The following COP1 variants were observed in gnomAD, a reference collection of about 807,000 sequenced individuals.
COP1 encodes E3 ubiquitin-protein ligase COP1.
COP1 carries 24 observed loss-of-function variants against 101.3 expected under a neutral mutation model. That is an observed-to-expected ratio of 0.24 (90% confidence interval 0.17 to 0.33). COP1 has a LOEUF of 0.33. Among genes scored for constraint, COP1 ranks in the 10% least tolerant of loss-of-function variants. The pLI is 1.00. For synonymous variants in COP1, 347 were observed against 341.9 expected, an observed-to-expected ratio of 1.01 and a Z score of -0.17; for missense variants, 663 against 906.2, an observed-to-expected ratio of 0.73 and a Z score of 3.45.
chr1:176,133,880 A>G (rs1160806018), intron 8 of COP1: 1 of 454,868 alleles, frequency 2.2e-6, no homozygotes, highest in African/African-American at 2.0e-5. Context: ...GATCCTGTGC[A>G]TATCAGAACT....
chr1:176,129,422 G>A (rs1455568450), intron 8 of COP1, among the ~76,000 whole-genome samples: 2 of 151,772 alleles, frequency 1.3e-5, no homozygotes, highest in South Asian at 2.1e-4. Context: ...TCAAACTAAT[G>A]CATGTCTGCA....
intron 11 of COP1, among the ~76,000 whole-genome samples, chr1:176,063,047 GTTTTTTTTTTT>G (rs34464104): frequency 3.3e-5 from 3 of 90,590 alleles, no homozygotes; most frequent in Admixed American, 1.6e-4. Flanking sequence ...TTTTGAAAAT[GTTTTTTTTTTT>G]TTTTTTTTTT....
intron 8 of COP1, 45 bp downstream of exon 8, chr1:176,134,965 C>G (rs1157174833): frequency 1.4e-6 from 2 of 1,426,204 alleles, no homozygotes; most frequent in African/African-American, 2.8e-5. Flanking sequence ...CATATGCATA[C>G]TTTGTAATAT....
chr1:176,155,722 T>A (rs888381775), intron 5 of COP1, among the ~76,000 whole-genome samples: 2 of 152,066 alleles, frequency 1.3e-5, no homozygotes, highest in Admixed American at 1.3e-4. Context: ...CATAGTCAAA[T>A]TGCTGAAAAC....
chr1:176,084,950 A>G (rs939025525), intron 10 of COP1, among the ~76,000 whole-genome samples: 2 of 152,088 alleles, frequency 1.3e-5, no homozygotes, highest in African/African-American at 4.8e-5. Context: ...TGTATCTTAT[A>G]TATGTCACTT....
At chr1:176,058,375 G>A (rs1190357730) in intron 11 of COP1, among the ~76,000 whole-genome samples, 1 of 152,214 alleles carries the variant, frequency 6.6e-6, no homozygotes, top group Non-Finnish European at 1.5e-5. Flanking sequence ...TGCTGTGTCT[G>A]TGTAGAAAGA....
intron 5 of COP1, among the ~76,000 whole-genome samples, chr1:176,152,976 C>A (rs1276530194): frequency 6.6e-6 from 1 of 152,104 alleles, no homozygotes; most frequent in East Asian, 1.9e-4. Flanking sequence ...CTTGTATAGA[C>A]AACAGACTTC....
At chr1:175,962,786 C>A (rs1043508488) in intron 18 of COP1, among the ~76,000 whole-genome samples, 4 of 151,972 alleles carry the variant, frequency 2.6e-5, no homozygotes, top group Admixed American at 6.5e-5. Context: ...CTAGAGTCAT[C>A]TCCTTTAATC....
intron 11 of COP1, among the ~76,000 whole-genome samples, chr1:176,064,688 C>T (rs1170481830): frequency 6.6e-6 from 1 of 152,092 alleles, no homozygotes; most frequent in Non-Finnish European, 1.5e-5. Context: ...GTGTCTTGCT[C>T]TGTCGCCCAG....
chr1:175,961,390 A>T (rs1651324714), intron 18 of COP1, among the ~76,000 whole-genome samples: 1 of 152,218 alleles, frequency 6.6e-6, no homozygotes, highest in Non-Finnish European at 1.5e-5. Context: ...TATTAATTTC[A>T]TGCCACTTTA....
intron 18 of COP1, among the ~76,000 whole-genome samples, chr1:175,978,147 A>G (rs1654999776): frequency 6.6e-6 from 1 of 152,174 alleles, no homozygotes; most frequent in South Asian, 2.1e-4. Context: ...GGCAGGACTA[A>G]AACCAAAAAC....
intron 9 of COP1, among the ~76,000 whole-genome samples, chr1:176,093,311 T>C (rs1681693486): frequency 6.6e-6 from 1 of 152,212 alleles, no homozygotes; most frequent in Non-Finnish European, 1.5e-5. Flanking sequence ...AGTTTTGCTA[T>C]ATTTCTAATT....
intron 15 of COP1, among the ~76,000 whole-genome samples, chr1:176,002,401 T>C (rs962069020): frequency 6.6e-6 from 1 of 151,936 alleles, no homozygotes. Flanking sequence ...CATGTGCACA[T>C]AGTGCAGGTT....
At position 175,988,429 on chromosome 1, in the gene COP1, A is replaced by C. The variant is rs542360075; in HGVS notation, c.1848-17T>G. 36 of 1,579,582 alleles carry C rather than the reference A, an allele frequency of 2.3e-5. No individual in the cohort carries two copies. In the South Asian group the frequency reaches 3.8e-4, roughly 17 times the overall value. On this transcript the variant is annotated splice_polypyrimidine_tract_variant and intron_variant, in intron 16 of 19. Coordinates refer to ENST00000367669, the MANE Select transcript of COP1 (RefSeq NM_022457.7). ...TCTGTTGAGCTGAGGAAAAGTACAAAGAGTAAGAACTTACTTAAAATTTCT... is the reference window on the plus strand; with the variant it reads ...TCTGTTGAGCTGAGGAAAAGTACAACGAGTAAGAACTTACTTAAAATTTCT...
At chr1:176,134,146 A>G (rs939026647) in intron 8 of COP1, among the ~76,000 whole-genome samples, 3 of 151,948 alleles carry the variant, frequency 2.0e-5, no homozygotes, top group African/African-American at 4.8e-5. Flanking sequence ...TCCTAAAGTG[A>G]TAAGGTTTCC....
intron 11 of COP1, among the ~76,000 whole-genome samples, chr1:176,069,345 T>G (rs1301676970): frequency 6.6e-6 from 1 of 152,168 alleles, no homozygotes; most frequent in East Asian, 1.9e-4. Context: ...AAAGAAAACT[T>G]TAAAGCAGCA....
At chr1:175,987,287 C>T (rs1657353127) in intron 17 of COP1, among the ~76,000 whole-genome samples, 184 bp from the exon 18 acceptor site, 1 of 152,194 alleles carries the variant, frequency 6.6e-6, no homozygotes, top group East Asian at 1.9e-4. Flanking sequence ...AAAAGCTATA[C>T]TTTACTAATC....
rs1181236981 is a variant in COP1, at chr1:176,006,599, T to C, written c.1730-17120A>G. Among the ~76,000 whole-genome samples the C allele has an allele frequency of 1.6e-4, 25 of 152,240 alleles. No homozygotes were observed. In the South Asian group the frequency reaches 2.7e-3, roughly 16 times the overall value. ...TCTGTAAAGTATTTTATTTCTCCTT[T>C]GCTTACGAAGCTTAGTTTGGCTTGA... On this transcript the variant is annotated intron_variant, in intron 15 of 19. Coordinates refer to ENST00000367669, the MANE Select transcript of COP1 (RefSeq NM_022457.7).
chr1:176,050,431 C>T (rs1054574239), intron 11 of COP1, among the ~76,000 whole-genome samples: 1 of 152,180 alleles, frequency 6.6e-6, no homozygotes, highest in African/African-American at 2.4e-5. Context: ...TAAGTATTAA[C>T]AAACATGGTG....
Sources: allele counts gnomAD v4.1 joint callset (sites outside exome capture counted in the v4.1 genomes callset), GRCh38; gene constraint gnomAD v4.1.1; transcripts MANE v1.5; gene names NCBI Gene and HGNC (gene_info 2026-07-23, HGNC 2026-07-21).